The following DACH1 variants were observed in gnomAD, a reference collection of about 807,000 sequenced individuals.
DACH1 encodes the protein dachshund family transcription factor 1.
In DACH1, 12 loss-of-function variants were observed where a neutral mutation model predicts 54.2. The observed-to-expected ratio is 0.22, with a 90% confidence interval of 0.14 to 0.36. The LOEUF (loss-of-function observed/expected upper bound fraction) is 0.36. DACH1 is among the 10% of genes least tolerant of loss of function. DACH1 has a pLI of 1.00. For synonymous variants in DACH1, 386 were observed against 366.2 expected, an observed-to-expected ratio of 1.05 and a Z score of -0.62; for missense variants, 805 against 929.8, an observed-to-expected ratio of 0.87 and a Z score of 1.75.
chr13:71,573,458 A>G, intron 3 of DACH1: 1 of 716,680 alleles, frequency 1.4e-6, no homozygotes, highest in Non-Finnish European at 2.6e-6. Flanking sequence ...GGTTGAGAGG[A>G]TGACTAAGTG....
At chr13:71,717,483 T>A (rs1246578282) in intron 1 of DACH1, among the ~76,000 whole-genome samples, 1 of 145,322 alleles carries the variant, frequency 6.9e-6, no homozygotes, top group African/African-American at 2.6e-5. Flanking sequence ...ATGAAAACAC[T>A]GCAAGGACCT....
At chr13:71,713,748 G>T (rs188628268) in intron 1 of DACH1, among the ~76,000 whole-genome samples, 1 of 151,836 alleles carries the variant, frequency 6.6e-6, no homozygotes, top group African/African-American at 2.4e-5. Flanking sequence ...TTCCCATCTC[G>T]TTCAATAAAA....
intron 3 of DACH1, among the ~76,000 whole-genome samples, chr13:71,579,530 G>A (rs1389253118): frequency 6.6e-6 from 1 of 151,932 alleles, no homozygotes; most frequent in Non-Finnish European, 1.5e-5. Context: ...TAAAAACAAT[G>A]GCTTCTTTAT....
intron 6 of DACH1, among the ~76,000 whole-genome samples, chr13:71,515,627 T>C (rs572719012): frequency 1.3e-5 from 2 of 152,034 alleles, no homozygotes; most frequent in South Asian, 2.1e-4. Context: ...AATCCCATTA[T>C]GTGGAGTTCA....
At chr13:71,561,459 T>A (rs949765361) in intron 4 of DACH1, among the ~76,000 whole-genome samples, 1 of 152,098 alleles carries the variant, frequency 6.6e-6, no homozygotes, top group African/African-American at 2.4e-5. Context: ...CATGTGACCA[T>A]AGAGGAAGAG....
intron 2 of DACH1, among the ~76,000 whole-genome samples, chr13:71,653,725 T>C (rs1878846539): frequency 6.6e-6 from 1 of 152,220 alleles, no homozygotes; most frequent in Non-Finnish European, 1.5e-5. Flanking sequence ...GATTACTGAA[T>C]GAAAAGTAAG....
intron 6 of DACH1, among the ~76,000 whole-genome samples, chr13:71,491,860 A>C (rs1879008859): frequency 6.6e-6 from 1 of 152,180 alleles, no homozygotes; most frequent in Admixed American, 6.6e-5. Context: ...AAATGTTCTA[A>C]GAAGATTAAA....
intron 1 of DACH1, among the ~76,000 whole-genome samples, chr13:71,753,520 C>A (rs912871085): frequency 6.6e-6 from 1 of 152,006 alleles, no homozygotes; most frequent in Admixed American, 6.6e-5. Context: ...TTTCATTTAT[C>A]GCTTACCAAG....
intron 6 of DACH1, among the ~76,000 whole-genome samples, chr13:71,503,668 T>A (rs1880093191): frequency 6.6e-6 from 1 of 152,230 alleles, no homozygotes; most frequent in Non-Finnish European, 1.5e-5. Flanking sequence ...ATTTGGTTCA[T>A]CTACTTAAAA....
intron 2 of DACH1, among the ~76,000 whole-genome samples, chr13:71,646,843 T>A (rs1469507415): frequency 6.6e-6 from 1 of 152,192 alleles, no homozygotes; most frequent in Non-Finnish European, 1.5e-5. Context: ...CTGATTAAAC[T>A]CTGAAAGACA....
chr13:71,598,512 C>T (rs190401655), intron 3 of DACH1, among the ~76,000 whole-genome samples: 36 of 152,260 alleles, frequency 2.4e-4, no homozygotes, highest in Admixed American at 1.4e-3. Context: ...CTCAGCCTCC[C>T]AAAGTGCTGG....
chr13:71,495,193 G>T (rs145862932), intron 6 of DACH1, among the ~76,000 whole-genome samples: 1 of 151,912 alleles, frequency 6.6e-6, no homozygotes, highest in Admixed American at 6.6e-5. Context: ...TATTCATTTC[G>T]AGTTGAAGTA....
At chr13:71,512,451 A>G (rs1024999383) in intron 6 of DACH1, among the ~76,000 whole-genome samples, 4 of 151,984 alleles carry the variant, frequency 2.6e-5, no homozygotes, top group Non-Finnish European at 5.9e-5. Flanking sequence ...AAAACACAAA[A>G]GGAAAGCAAA....
intron 10 of DACH1, among the ~76,000 whole-genome samples, chr13:71,467,905 A>G (rs1295099625): frequency 6.6e-6 from 1 of 152,174 alleles, no homozygotes; most frequent in Non-Finnish European, 1.5e-5. Flanking sequence ...GTGATTACTT[A>G]TTTCTAAATG....
At chr13:71,697,877 G>A (rs1881909011) in intron 1 of DACH1, among the ~76,000 whole-genome samples, 1 of 151,974 alleles carries the variant, frequency 6.6e-6, no homozygotes. Flanking sequence ...TTGAAATAGA[G>A]CCCGATTTTA....
Position 71,681,795 on chromosome 13 carries a change from C to G in DACH1, c.964G>C (p.Gly322Arg). 1.2e-6 allele frequency: 2 copies of G among 1,611,354 alleles called. No homozygotes were observed. Among genetic ancestry groups the G allele is most frequent in the South Asian group, 1.1e-5 (1 of 90,740 alleles). Residue 322 changes from glycine (G) to arginine (R), a missense_variant and splice_region_variant, in exon 2 of 11, where the codon GGT (glycine) becomes CGT (arginine). Coordinates refer to ENST00000613252, the MANE Select transcript of DACH1 (RefSeq NM_080759.6). ...TGGCATAAGTGAGTAGCAGTCTTACCTGTTGGTGGAATTATCCCAGGAGAC... is the reference window on the plus strand; with the variant it reads ...TGGCATAAGTGAGTAGCAGTCTTACGTGTTGGTGGAATTATCCCAGGAGAC... ...LMSPGIIPPTGLTAAAAAAAA... is the reference protein window; with the variant it reads ...LMSPGIIPPTRLTAAAAAAAA...
At chr13:71,512,313 TTTTAA>T (rs1326366685) in intron 6 of DACH1, among the ~76,000 whole-genome samples, 27 of 152,080 alleles carry the variant, frequency 1.8e-4, no homozygotes, top group African/African-American at 6.5e-4. Flanking sequence ...CTACACATTC[TTTTAA>T]TTTAAAGTAC....
chr13:71,573,389 AT>A, intron 3 of DACH1: 1 of 712,900 alleles, frequency 1.4e-6, no homozygotes. Flanking sequence ...AAAAACTATG[AT>A]TTTTAATACT....
At chr13:71,701,197 T>A (rs992945180) in intron 1 of DACH1, among the ~76,000 whole-genome samples, 1 of 152,182 alleles carries the variant, frequency 6.6e-6, no homozygotes. Context: ...AATCTTTTTT[T>A]AATAAATGTT....
Sources: gnomAD v4.1 joint callset for allele counts (sites outside exome capture counted in the v4.1 genomes callset) on GRCh38, gnomAD v4.1.1 for gene constraint, MANE v1.5 for transcripts, NCBI Gene and HGNC (gene_info 2026-07-23, HGNC 2026-07-21) for gene names.